The following ADGRL2 variants were observed in gnomAD, a reference collection of about 807,000 sequenced individuals.
ADGRL2 encodes calcium-independent alpha-latrotoxin receptor 2.
Under a neutral mutation model 157.4 loss-of-function variants are expected in ADGRL2, and 44 were observed. The observed-to-expected ratio is 0.28, with a 90% CI of 0.22 to 0.36. The LOEUF is 0.36. Among genes scored for constraint, ADGRL2 ranks in the 10% least tolerant of loss-of-function variants. The pLI is 1.00. For missense variants in ADGRL2, 1,510 were observed against 1,768.9 expected, an observed-to-expected ratio of 0.85 and a Z score of 2.63; for synonymous variants, 585 against 624.7, an observed-to-expected ratio of 0.94 and a Z score of 0.95.
At chr1:81,753,047 A>G (rs1455860598) in intron 1 of ADGRL2, among the ~76,000 whole-genome samples, 1 of 152,230 alleles carries the variant, frequency 6.6e-6, no homozygotes, top group East Asian at 1.9e-4. Flanking sequence ...TATGCAGGCC[A>G]TACATGAGGA....
chr1:81,634,120 T>C (rs1312778867), intron 3 of ADGRL2, among the ~76,000 whole-genome samples: 1 of 152,150 alleles, frequency 6.6e-6, no homozygotes, highest in Non-Finnish European at 1.5e-5. Flanking sequence ...GAAAGTGGTA[T>C]TCAGGAAGCC....
intron 2 of ADGRL2, among the ~76,000 whole-genome samples, chr1:81,491,011 T>G (rs1010933603): frequency 6.6e-6 from 1 of 152,210 alleles, no homozygotes; most frequent in Non-Finnish European, 1.5e-5. Flanking sequence ...AGATATTTAG[T>G]AGCACCCACT....
At chr1:81,758,981 G>C (rs1411638934) in intron 1 of ADGRL2, among the ~76,000 whole-genome samples, 1 of 151,932 alleles carries the variant, frequency 6.6e-6, no homozygotes, top group East Asian at 1.9e-4. Flanking sequence ...AAGGTTACAG[G>C]GCTTCCAAAC....
chr1:81,982,104 G>C (rs1275862326), intron 19 of ADGRL2, 128 bp downstream of exon 19: 3 of 774,374 alleles, frequency 3.9e-6, no homozygotes, highest in South Asian at 4.7e-5. Flanking sequence ...TTAATTATAA[G>C]TTAATTTTCA....
intron 2 of ADGRL2, among the ~76,000 whole-genome samples, chr1:81,862,938 A>C (rs1332331866): frequency 1.3e-5 from 2 of 152,184 alleles, no homozygotes; most frequent in Admixed American, 6.5e-5. Context: ...CATAAGCATA[A>C]TACTGGTTTC....
chr1:81,482,546 A>G (rs1246999912), intron 2 of ADGRL2, among the ~76,000 whole-genome samples: 3 of 152,194 alleles, frequency 2.0e-5, no homozygotes, highest in African/African-American at 7.2e-5. Flanking sequence ...AGTGATGTAT[A>G]CTAATTGCCA....
chr1:81,943,898 G>T lies in ADGRL2; in HGVS notation c.1210+129G>T. ...TTAAAGGACAAAGGACAATGTTGTG[G>T]TACATTTTAGCCTTATTATGGTTCG... is the stretch of plus-strand genomic sequence containing the variant. On this transcript the variant is annotated intron_variant, in intron 6 of 23. Coordinates refer to ENST00000686636, the MANE Select transcript of ADGRL2 (RefSeq NM_001366006.2). The surrounding 1 kb of genome is among the most constrained non-coding windows in gnomAD (Gnocchi z 5.6). 1.4e-6 allele frequency: 1 copy of T among 689,658 alleles called. No homozygotes were observed. The highest frequency in any genetic ancestry group is 2.0e-5 in the South Asian group (1 of 50,524). The allele number at this position is 689,658 out of a possible 1,614,324, so 42.7% of individuals were successfully genotyped here.
intron 1 of ADGRL2, among the ~76,000 whole-genome samples, chr1:81,702,620 C>T (rs941418406): frequency 6.6e-6 from 1 of 152,162 alleles, no homozygotes; most frequent in Non-Finnish European, 1.5e-5. Flanking sequence ...CATGGTCAGA[C>T]ACACATGATT....
In ADGRL2 at chr1:81,985,346, C is replaced by T. The variant is rs771198606; in HGVS notation, c.3499C>T (p.Leu1167Phe). Residue 1167 changes from leucine (L) to phenylalanine (F), a missense_variant, in exon 21 of 24, where the codon CTT (leucine) becomes TTT (phenylalanine). Transcript: ENST00000686636. ...ISGDINSTST[L>F]NQGMTGNYLL... ...AGGTGACATCAATAGCACTTCAACA[C>T]TTAATCAAGGTCAGTTATCAGGAAA... The T allele has an allele frequency of 1.3e-6, 2 of 1,589,948 alleles. No individual in the cohort carries two copies. The highest frequency in any genetic ancestry group is 2.3e-5 in the East Asian group (1 of 44,310).
intron 3 of ADGRL2, among the ~76,000 whole-genome samples, chr1:81,691,878 G>GTATATATATATATATATA (rs755115574): frequency 0.019 from 2,297 of 122,098 alleles, 60 homozygotes; most frequent in Non-Finnish European, 0.024. Context: ...GTGTGTGTGT[G>GTATATATATATATATATA]TGTATATATA....
intron 1 of ADGRL2, among the ~76,000 whole-genome samples, chr1:81,822,998 G>A (rs554920474): frequency 6.6e-6 from 1 of 152,114 alleles, no homozygotes; most frequent in Admixed American, 6.5e-5. Flanking sequence ...TCCAGAAGAA[G>A]TAGTCATTTT....
chr1:81,396,162 G>A (rs377186654), intron 1 of ADGRL2, among the ~76,000 whole-genome samples: 7 of 151,932 alleles, frequency 4.6e-5, no homozygotes, highest in Non-Finnish European at 7.4e-5. Flanking sequence ...CCATTTTTGC[G>A]TCCTCTACAA....
At chr1:81,351,012 A>G (rs1202395454) in intron 1 of ADGRL2, among the ~76,000 whole-genome samples, 1 of 152,202 alleles carries the variant, frequency 6.6e-6, no homozygotes, top group African/African-American at 2.4e-5. Flanking sequence ...AATCTGGAAC[A>G]TATTTCCCAC....
chr1:81,370,279 C>T (rs1006884436), intron 1 of ADGRL2, among the ~76,000 whole-genome samples: 4 of 152,016 alleles, frequency 2.6e-5, no homozygotes, highest in Admixed American at 6.6e-5. Flanking sequence ...GGCATTGACC[C>T]AGAAATGTAA....
chr1:81,595,229 G>A (rs1383852961), intron 3 of ADGRL2, among the ~76,000 whole-genome samples: 1 of 152,146 alleles, frequency 6.6e-6, no homozygotes, highest in Non-Finnish European at 1.5e-5. Context: ...TACTTTTTAT[G>A]AACCAAGGAT....
intron 1 of ADGRL2, among the ~76,000 whole-genome samples, chr1:81,822,671 C>T (rs1173904428): frequency 1.3e-5 from 2 of 152,002 alleles, no homozygotes; most frequent in East Asian, 3.8e-4. Context: ...CGCCACCACA[C>T]TTTGTAACAC....
intron 1 of ADGRL2, among the ~76,000 whole-genome samples, chr1:81,807,954 A>T (rs2089372944): frequency 6.6e-6 from 1 of 151,612 alleles, no homozygotes; most frequent in Non-Finnish European, 1.5e-5. Context: ...AGCTTATTTT[A>T]TTATTATTAT....
At chr1:81,340,784 G>C (rs1415563872) in intron 1 of ADGRL2, among the ~76,000 whole-genome samples, 1 of 151,796 alleles carries the variant, frequency 6.6e-6, no homozygotes, top group African/African-American at 2.4e-5. Context: ...GCTCCAGTGT[G>C]AGTTAGTCTA....
At chr1:81,656,770 G>A (rs767512292) in intron 3 of ADGRL2, among the ~76,000 whole-genome samples, 2 of 152,086 alleles carry the variant, frequency 1.3e-5, no homozygotes, top group African/African-American at 2.4e-5. Flanking sequence ...AACACTTTGG[G>A]AGGCTGAGAC....
Sources: gnomAD v4.1 joint callset for allele counts (sites outside exome capture counted in the v4.1 genomes callset) on GRCh38, gnomAD v4.1.1 for gene constraint, Gnocchi (gnomAD v3.1) non-coding constraint, MANE v1.5 for transcripts, NCBI Gene and HGNC (gene_info 2026-07-23, HGNC 2026-07-21) for gene names.